Variants in FNDC3B observed in about 807,000 individuals in gnomAD.
The protein encoded by FNDC3B is fibronectin type III domain containing 3B.
FNDC3B carries 12 observed loss-of-function variants against 151.5 expected under a neutral mutation model. The observed-to-expected ratio is 0.08, with a 90% CI of 0.05 to 0.13. The LOEUF (loss-of-function observed/expected upper bound fraction) is 0.13, where lower values mean the gene tolerates loss of function less well. Ranked by LOEUF, FNDC3B falls within the 10% of genes least tolerant of loss-of-function variation. FNDC3B has a pLI of 1.00. For synonymous variants in FNDC3B, 528 were observed against 549.0 expected, an observed-to-expected ratio of 0.96 and a Z score of 0.54; for missense variants, 1,214 against 1,505.3, an observed-to-expected ratio of 0.81 and a Z score of 3.20.
At chr3:172,380,628 C>G (rs1735389097) in intron 24 of FNDC3B, among the ~76,000 whole-genome samples, 1 of 152,196 alleles carries the variant, frequency 6.6e-6, no homozygotes, top group South Asian at 2.1e-4. Flanking sequence ...TTTACCTTGC[C>G]TGTTTTTGCA....
At chr3:172,068,301 G>T (rs984038536) in intron 1 of FNDC3B, among the ~76,000 whole-genome samples, 5 of 152,114 alleles carry the variant, frequency 3.3e-5, no homozygotes, top group Non-Finnish European at 7.4e-5. Context: ...TGATGGACTG[G>T]CTCGACCATG....
intron 10 of FNDC3B, 45 bp from the exon 11 acceptor site, chr3:172,310,783 G>T (rs749146548): frequency 5.6e-6 from 8 of 1,436,796 alleles, no homozygotes; most frequent in Non-Finnish European, 7.9e-6. Context: ...CATAAGTTTT[G>T]TCTGTGAACA....
intron 5 of FNDC3B, among the ~76,000 whole-genome samples, chr3:172,250,478 G>T (rs1728008082): frequency 6.6e-6 from 1 of 152,186 alleles, no homozygotes; most frequent in Non-Finnish European, 1.5e-5. Flanking sequence ...AACTTTGACT[G>T]CAATATACTT....
chr3:172,218,732 G>A (rs1236841394), intron 3 of FNDC3B, among the ~76,000 whole-genome samples: 2 of 152,190 alleles, frequency 1.3e-5, no homozygotes, highest in Admixed American at 1.3e-4. Flanking sequence ...TTTGCCCCAA[G>A]GTCATGCTAG....
At chr3:172,236,644 A>G (rs561087317) in intron 4 of FNDC3B, among the ~76,000 whole-genome samples, 2 of 152,240 alleles carry the variant, frequency 1.3e-5, no homozygotes, top group African/African-American at 4.8e-5. Flanking sequence ...GGAGAAGCTT[A>G]GCCCTCTAAC....
intron 6 of FNDC3B, among the ~76,000 whole-genome samples, chr3:172,268,655 G>C (rs775403410): frequency 2.8e-4 from 42 of 152,188 alleles, no homozygotes; most frequent in Non-Finnish European, 5.0e-4. Flanking sequence ...ATCAACTTTC[G>C]TGGTATTGCT....
At chr3:172,141,270 T>C (rs572854939) in intron 3 of FNDC3B, among the ~76,000 whole-genome samples, 2 of 152,360 alleles carry the variant, frequency 1.3e-5, no homozygotes, top group East Asian at 3.9e-4. Flanking sequence ...ATAGGGTTGC[T>C]GGTGATGGCA....
chr3:172,147,859 T>C (rs1263500060), intron 3 of FNDC3B, among the ~76,000 whole-genome samples: 1 of 152,134 alleles, frequency 6.6e-6, no homozygotes, highest in East Asian at 1.9e-4. Context: ...CAGAATTAAG[T>C]CTGGTCACCC....
At chr3:172,305,890 T>C (rs1173507629) in intron 9 of FNDC3B, among the ~76,000 whole-genome samples, 1 of 152,210 alleles carries the variant, frequency 6.6e-6, no homozygotes, top group Admixed American at 6.5e-5. Flanking sequence ...AGTTTTATAT[T>C]ATCACGTGCC....
rs191915082 is a variant in FNDC3B, at chr3:172,228,530, G to A, written c.264+1583G>A. 1.8e-3 allele frequency among the ~76,000 whole-genome samples: 281 copies of A among 151,916 alleles called. 1 individual carries two copies. The Middle Eastern group carries it at 0.034, about 18-fold the overall frequency. ...TTAAATGCAAAAATATTTATTGCATGTACTAGGAAAAGTGGAGAATTTTTG... is the reference window on the plus strand; with the variant it reads ...TTAAATGCAAAAATATTTATTGCATATACTAGGAAAAGTGGAGAATTTTTG... On this transcript the variant is annotated intron_variant, in intron 4 of 25. Coordinates refer to ENST00000415807, the MANE Select transcript of FNDC3B (RefSeq NM_022763.4).
chr3:172,328,772 A>G (rs531131635), intron 11 of FNDC3B, among the ~76,000 whole-genome samples, 180 bp from the exon 12 acceptor site: 1 of 152,326 alleles, frequency 6.6e-6, no homozygotes, highest in East Asian at 1.9e-4. Flanking sequence ...ATGAGATTTC[A>G]TTGTAGAATG....
At chr3:172,072,575 C>G (rs1256251709) in intron 1 of FNDC3B, among the ~76,000 whole-genome samples, 3 of 152,132 alleles carry the variant, frequency 2.0e-5, no homozygotes, top group Non-Finnish European at 4.4e-5. Context: ...CTTGTTAATT[C>G]CTTTGTAGCC....
intron 11 of FNDC3B, among the ~76,000 whole-genome samples, chr3:172,317,419 C>T (rs530882539): frequency 2.6e-5 from 4 of 152,090 alleles, no homozygotes; most frequent in Non-Finnish European, 4.4e-5. Flanking sequence ...CTCCTGACCT[C>T]GTGATCCGCC....
intron 1 of FNDC3B, among the ~76,000 whole-genome samples, chr3:172,086,662 A>G (rs760523877): frequency 1.3e-5 from 2 of 152,236 alleles, no homozygotes; most frequent in Non-Finnish European, 2.9e-5. Flanking sequence ...GATTTCACAT[A>G]ATCTCATTAG....
chr3:172,196,009 G>A (rs1402833532), intron 3 of FNDC3B, among the ~76,000 whole-genome samples: 4 of 152,162 alleles, frequency 2.6e-5, no homozygotes, highest in African/African-American at 9.7e-5. Context: ...GTGAGCCTTT[G>A]TAAATGTACA....
At chr3:172,081,678 T>C (rs1718286882) in intron 1 of FNDC3B, among the ~76,000 whole-genome samples, 1 of 152,206 alleles carries the variant, frequency 6.6e-6, no homozygotes, top group Non-Finnish European at 1.5e-5. Flanking sequence ...TTCTGAGCAG[T>C]ATTATAAATT....
chr3:172,317,148 C>T (rs973224670), intron 11 of FNDC3B: 4 of 447,504 alleles, frequency 8.9e-6, no homozygotes, highest in African/African-American at 8.2e-5. Context: ...GACCACCTCT[C>T]AACATGTTGC....
At chr3:172,269,151 C>T (rs1729062404) in intron 6 of FNDC3B, among the ~76,000 whole-genome samples, 1 of 152,216 alleles carries the variant, frequency 6.6e-6, no homozygotes, top group South Asian at 2.1e-4. Context: ...TGTTCCTGGT[C>T]AGCAGCATTA....
Position 172,045,533 on chromosome 3 carries a change from AGC to A in FNDC3B, c.-29+5763_-29+5764del, listed in dbSNP as rs538173029. On this transcript the variant is annotated intron_variant, in intron 1 of 25. Coordinates refer to ENST00000415807, the MANE Select transcript of FNDC3B (RefSeq NM_022763.4). ...TATTACTTGAGCTTTCAGCAATTAC[AGC>A]TGAGAATGGAAAAGAATCGTATTTT... Among the ~76,000 whole-genome samples, 37 of 152,356 alleles carry A rather than the reference AGC, an allele frequency of 2.4e-4. No individual in the cohort carries two copies. The East Asian group carries it at 7.1e-3, about 29-fold the overall frequency.
Sources: allele counts gnomAD v4.1 joint callset (sites outside exome capture counted in the v4.1 genomes callset), GRCh38; gene constraint gnomAD v4.1.1; transcripts MANE v1.5; gene names NCBI Gene and HGNC (gene_info 2026-07-23, HGNC 2026-07-21).